RGP1: variants seen among roughly 807,000 people sequenced by gnomAD.
The protein encoded by RGP1 is RAB6A-GEF complex partner protein 2.
A neutral mutation model predicts 44.5 loss-of-function variants in RGP1; 28 were observed. The observed-to-expected ratio is 0.63, with a 90% CI of 0.47 to 0.86. The LOEUF (loss-of-function observed/expected upper bound fraction) is 0.86. Ranked by LOEUF, RGP1 falls within the 40% of genes least tolerant of loss-of-function variation. The probability of loss-of-function intolerance (pLI) is 0.00; values close to 1 mark genes in which losing one functional copy is unlikely to be tolerated. For synonymous variants in RGP1, 212 were observed against 196.7 expected (o/e 1.08, Z -0.65); for missense variants, 417 against 490.7 (o/e 0.85, Z 1.42).
chr9:35,751,826 A>C lies in RGP1; in HGVS notation c.762+72A>C. 3 of 1,603,974 alleles carry C rather than the reference A, an allele frequency of 1.9e-6. No homozygotes were observed. The South Asian group carries it at 3.3e-5, about 18-fold the overall frequency. ...AGGGCTAGGGTGGAAGGCCTGTATA[A>C]AGAGGGGTGGCATGTAGAAGGGGAT... On this transcript the variant is annotated intron_variant, in intron 7 of 8. Coordinates refer to ENST00000378078, the MANE Select transcript of RGP1 (RefSeq NM_001080496.3).
rs540892067 is a variant in RGP1 at position 35,757,724 on chromosome 9, C to T, written c.*4850C>T. 6.6e-6 allele frequency: 1 copy of T among 152,154 alleles called. No individual in the cohort carries two copies. Among genetic ancestry groups the T allele is most frequent in the African/African-American group, 2.4e-5 (1 of 41,404 alleles). 9.4% of individuals were successfully genotyped at this position (152,154 alleles called of 1,614,324 possible). ...TGGTTACATTTTGGGATTATTTGGT[C>T]TCACAGGTAGAAGGGAGCCTGCTGG... On this transcript the variant is annotated 3_prime_UTR_variant, in exon 9 of 9. Coordinates refer to ENST00000378078, the MANE Select transcript of RGP1 (RefSeq NM_001080496.3).
In RGP1 at chr9:35,753,835, T is replaced by C; in HGVS notation, c.*961T>C. The stretch of plus-strand genomic sequence containing the variant: ...ATGAGAGGCAGAGGCTCTTCTGGTC[T>C]GGGGTGGAGACAGTAAGTACGCACT... On this transcript the variant is annotated 3_prime_UTR_variant, in exon 9 of 9. Transcript: ENST00000378078. The surrounding 1 kb of genome is among the most constrained non-coding windows in gnomAD (Gnocchi z 4.2). 6.5e-7 allele frequency: 1 copy of C among 1,542,336 alleles called. No individual in the cohort carries two copies. The highest frequency in any genetic ancestry group is 8.9e-7 in the Non-Finnish European group (1 of 1,119,290).
At chr9:35,759,635 ACTTT>A (rs536410869), downstream of RGP1, among the ~76,000 whole-genome samples, 271 of 142,788 alleles carry the variant, frequency 1.9e-3, no homozygotes, top group Non-Finnish European at 2.4e-3. Flanking sequence ...TTGCTTCTCC[ACTTT>A]CCCTTCCCTC....
the RGP1 span, among the ~76,000 whole-genome samples, chr9:35,766,171 A>G: frequency 2.7e-5 from 4 of 148,382 alleles, no homozygotes; most frequent in Middle Eastern, 3.5e-3. Flanking sequence ...AAAAAAAAAA[A>G]TCTAGTAGGT....
chr9:35,778,576 T>C, the RGP1 span, among the ~76,000 whole-genome samples: 1 of 152,230 alleles, frequency 6.6e-6, no homozygotes, highest in African/African-American at 2.4e-5. Flanking sequence ...TGGAATATAA[T>C]ATGACATGTC....
chr9:35,780,750 G>C, the RGP1 span, among the ~76,000 whole-genome samples: 2 of 151,846 alleles, frequency 1.3e-5, no homozygotes, highest in African/African-American at 2.4e-5. Flanking sequence ...AAAACAACCA[G>C]GCGTGGTGGT....
In RGP1 at chr9:35,757,188, T is replaced by G. The variant is rs1466896862; in HGVS notation, c.*4314T>G. On this transcript the variant is annotated 3_prime_UTR_variant, in exon 9 of 9. Coordinates refer to ENST00000378078, the MANE Select transcript of RGP1 (RefSeq NM_001080496.3). The stretch of plus-strand genomic sequence containing the variant: ...GCCCCCCCACCCCAACCCCGGCCGC[T>G]GGCCCTCTGGTGAGTCACAGCCGAC... The G allele has an allele frequency of 6.6e-6, 1 of 151,096 alleles. No homozygotes were observed. Among genetic ancestry groups the G allele is most frequent in the Non-Finnish European group, 1.5e-5 (1 of 67,758 alleles). 9.4% of individuals were successfully genotyped at this position (151,096 alleles called of 1,614,324 possible).
the RGP1 span, among the ~76,000 whole-genome samples, chr9:35,765,837 T>TTC: frequency 6.9e-6 from 1 of 144,794 alleles, no homozygotes; most frequent in African/African-American, 2.5e-5. Context: ...CTTTCTTTCT[T>TTC]TTTTTTTTTT....
At chr9:35,785,211 G>A in the RGP1 span, among the ~76,000 whole-genome samples, 1 of 152,136 alleles carries the variant, frequency 6.6e-6, no homozygotes, top group Non-Finnish European at 1.5e-5. Flanking sequence ...TTTTGGGACT[G>A]AGTACATAAG....
rs1390049081 is a variant in RGP1 at position 35,753,328 on chromosome 9, C to A, written c.*454C>A. 5 of 1,580,764 alleles carry A rather than the reference C, an allele frequency of 3.2e-6. No homozygotes were observed. The highest frequency in any genetic ancestry group is 1.7e-5 in the Admixed American group (1 of 58,982). On this transcript the variant is annotated 3_prime_UTR_variant, in exon 9 of 9. Transcript: ENST00000378078. This position sits in a 1 kb window ranked among gnomAD's most constrained non-coding sequence, Gnocchi z 4.2. The stretch of plus-strand genomic sequence containing the variant: ...AGGAGTCAGCACAGTGAAAGGCTGC[C>A]TTTATCCCTGCCCACATGTTCCCTC...
chr9:35,752,568 T>C (rs1827284462), intron 8 of RGP1, 83 bp from the exon 9 acceptor site: 3 of 1,181,000 alleles, frequency 2.5e-6, no homozygotes, highest in Non-Finnish European at 3.7e-6. Context: ...ATTGTTTTCT[T>C]CTCATTCACT....
At position 35,758,186 on chromosome 9, in the gene RGP1, T is replaced by C. The variant is rs1260634654; in HGVS notation, c.*5312T>C. ...GTGTAGCCCTCTAACCTGCCCTTTA[T>C]ATTTTGAACCAAATAAAACATTTCT... On this transcript the variant is annotated 3_prime_UTR_variant, in exon 9 of 9. Transcript: ENST00000378078. 3.3e-5 allele frequency: 5 copies of C among 152,248 alleles called. No homozygotes were observed. Among genetic ancestry groups the C allele is most frequent in the Non-Finnish European group, 5.9e-5 (4 of 68,048 alleles). 9.4% of individuals were successfully genotyped at this position (152,248 alleles called of 1,614,324 possible).
chr9:35,774,301 T>C, the RGP1 span, among the ~76,000 whole-genome samples: 1 of 152,236 alleles, frequency 6.6e-6, no homozygotes, highest in Non-Finnish European at 1.5e-5. Context: ...TGCTCAGCTC[T>C]GGTCAGGGCA....
the RGP1 span, among the ~76,000 whole-genome samples, chr9:35,787,210 C>G: frequency 6.6e-6 from 1 of 151,294 alleles, no homozygotes; most frequent in South Asian, 2.1e-4. Context: ...ACCCTTTAAA[C>G]AATCACAGCA....
At chr9:35,763,243 CCTT>C (rs1364661235), downstream of RGP1, among the ~76,000 whole-genome samples, 2 of 152,332 alleles carry the variant, frequency 1.3e-5, no homozygotes, top group African/African-American at 4.8e-5. Flanking sequence ...TGTTTAAGAA[CCTT>C]CTCCCTATCT....
At chr9:35,767,151 C>T in the RGP1 span, among the ~76,000 whole-genome samples, 1 of 152,042 alleles carries the variant, frequency 6.6e-6, no homozygotes, top group East Asian at 1.9e-4. Flanking sequence ...TGCATACGGC[C>T]AACTATAATA....
downstream of RGP1, among the ~76,000 whole-genome samples, chr9:35,758,850 A>C (rs1827393909): frequency 6.6e-6 from 1 of 150,812 alleles, no homozygotes; most frequent in Non-Finnish European, 1.5e-5. Context: ...GCTCTTTTCC[A>C]CCTTTAACAC....
chr9:35,759,658 T>C (rs1827401436), downstream of RGP1, among the ~76,000 whole-genome samples: 1 of 147,710 alleles, frequency 6.8e-6, no homozygotes. Context: ...TCTCATGATC[T>C]CTCCTCAGTA....
Position 35,752,634 on chromosome 9 carries a change from A to G in RGP1, c.953-17A>G. On this transcript the variant is annotated splice_polypyrimidine_tract_variant and intron_variant, in intron 8 of 8. Transcript: ENST00000378078. Reference sequence around the variant, plus strand: ...GCTAGCTTCTGATGCTTCTACCTTAATCTTTTTCTTCCATAGTGTCCTTGA... The same window carrying G: ...GCTAGCTTCTGATGCTTCTACCTTAGTCTTTTTCTTCCATAGTGTCCTTGA... The G allele has an allele frequency of 6.3e-7, 1 of 1,587,522 alleles. No homozygotes were observed. The highest frequency in any genetic ancestry group is 2.3e-5 in the East Asian group (1 of 44,320).
Sources: allele counts gnomAD v4.1 joint callset (sites outside exome capture counted in the v4.1 genomes callset), GRCh38; gene constraint gnomAD v4.1.1; non-coding constraint Gnocchi (gnomAD v3.1); transcripts MANE v1.5; gene names NCBI Gene and HGNC (gene_info 2026-07-23, HGNC 2026-07-21).